ANK1: variants seen among roughly 807,000 people sequenced by gnomAD.
The protein encoded by ANK1 is ankyrin-1.
A neutral mutation model predicts 210.4 loss-of-function variants in ANK1; 51 were observed. The observed-to-expected ratio is 0.24, with a 90% confidence interval of 0.19 to 0.31. The LOEUF is 0.31. Ranked by LOEUF, ANK1 falls within the 10% of genes least tolerant of loss-of-function variation. ANK1 has a pLI of 1.00. For synonymous variants in ANK1, 967 were observed against 1,025.9 expected, an observed-to-expected ratio of 0.94 and a Z score of 1.10; for missense variants, 2,051 against 2,504.4, an observed-to-expected ratio of 0.82 and a Z score of 3.86.
At chr8:41,657,214 T>C (rs1806055049) in intron 42 of ANK1, among the ~76,000 whole-genome samples, 1 of 152,144 alleles carries the variant, frequency 6.6e-6, no homozygotes, top group South Asian at 2.1e-4. Flanking sequence ...AAAGCTGCCT[T>C]TTCTGTTCAG....
intron 2 of ANK1, among the ~76,000 whole-genome samples, chr8:41,748,395 C>G (rs1187361560): frequency 6.6e-6 from 1 of 152,268 alleles, no homozygotes; most frequent in East Asian, 1.9e-4. Flanking sequence ...AAGACAATGA[C>G]AGAGAAAAGT....
chr8:41,692,081 G>C (rs1219285846), intron 31 of ANK1, among the ~76,000 whole-genome samples: 2 of 149,112 alleles, frequency 1.3e-5, no homozygotes, highest in East Asian at 3.9e-4. Flanking sequence ...TTTTTAAACA[G>C]AGTCTTGCTC....
chr8:41,714,972 T>C lies in ANK1; in HGVS notation c.1701+4A>G. On this transcript the variant is annotated splice_donor_region_variant and intron_variant, in intron 15 of 42. Transcript: ENST00000289734. ...CTGCAGGGGAGGGCAGGGTTCAAAC[T>C]CACTTTTCCGGCAGCATTCGGGTGT... 6.2e-7 allele frequency: 1 copy of C among 1,614,086 alleles called. No homozygotes were observed. Among genetic ancestry groups the C allele is most frequent in the Non-Finnish European group, 8.5e-7 (1 of 1,179,982 alleles).
In ANK1 at chr8:41,716,975, G is replaced by C; in HGVS notation, c.1382C>G (p.Ala461Gly). ...EVAKYLLQNKAKVNAKAKDDQ... is the reference protein window; with the variant it reads ...EVAKYLLQNKGKVNAKAKDDQ... ...CACCTTGGCCTTGGCATTGACTTTGGCTTTGTTCTGGAGTAAATATTTGGC... is the reference window on the plus strand; with the variant it reads ...CACCTTGGCCTTGGCATTGACTTTGCCTTTGTTCTGGAGTAAATATTTGGC... Residue 461 changes from alanine (A) to glycine (G), a missense_variant, in exon 13 of 43, where the codon GCC (alanine) becomes GGC (glycine). Transcript: ENST00000289734. The C allele has an allele frequency of 6.2e-7, 1 of 1,614,192 alleles. No individual in the cohort carries two copies. Among genetic ancestry groups the C allele is most frequent in the Non-Finnish European group, 8.5e-7 (1 of 1,180,042 alleles).
At chr8:41,876,321 G>C (rs1816600218) in intron 1 of ANK1, among the ~76,000 whole-genome samples, 1 of 152,184 alleles carries the variant, frequency 6.6e-6, no homozygotes, top group South Asian at 2.1e-4. Context: ...CTCGGCCAGC[G>C]GGCCTTGTCC....
At chr8:41,857,381 C>G (rs1434810776) in intron 1 of ANK1, among the ~76,000 whole-genome samples, 1 of 150,398 alleles carries the variant, frequency 6.6e-6, no homozygotes, top group African/African-American at 2.4e-5. Flanking sequence ...GTGGATCAAC[C>G]GAGGTCAGGA....
At chr8:41,691,113 C>A (rs1288311408) in intron 31 of ANK1, among the ~76,000 whole-genome samples, 1 of 152,120 alleles carries the variant, frequency 6.6e-6, no homozygotes, top group Admixed American at 6.5e-5. Context: ...GTAGTCCCAG[C>A]TACTTGGGAT....
chr8:41,666,138 T>C (rs1319488409), intron 39 of ANK1, among the ~76,000 whole-genome samples: 1 of 152,236 alleles, frequency 6.6e-6, no homozygotes, highest in Non-Finnish European at 1.5e-5. Flanking sequence ...AGTTTCCTCA[T>C]CTGTGAAGCA....
In ANK1 at chr8:41,790,144, CT is replaced by C. The variant is rs112954712; in HGVS notation, c.27+7367del. Among the ~76,000 whole-genome samples, 956 of 136,790 alleles carry C rather than the reference CT, an allele frequency of 7.0e-3. 1 individual carries two copies. The highest frequency in any genetic ancestry group is 0.02 in the Middle Eastern group (5 of 256). 89.7% of individuals were successfully genotyped at this position (136,790 alleles called of 152,430 possible). On this transcript the variant is annotated intron_variant, in intron 1 of 42. Transcript: ENST00000289734. ...GGTATCTGACCACTTGGAAAGGAATCTTTTTTTTTTTTTTTTTCAGAGACAG... is the reference window on the plus strand; with the variant it reads ...GGTATCTGACCACTTGGAAAGGAATCTTTTTTTTTTTTTTTTCAGAGACAG...
intron 1 of ANK1, among the ~76,000 whole-genome samples, chr8:41,783,219 C>T (rs561392870): frequency 4.6e-5 from 7 of 152,324 alleles, no homozygotes; most frequent in East Asian, 1.9e-4. Flanking sequence ...GAGATCGTTT[C>T]GAAAGTCTCC....
intron 9 of ANK1, 109 bp from the exon 10 acceptor site, chr8:41,719,967 C>T: frequency 3.0e-6 from 4 of 1,318,770 alleles, no homozygotes; most frequent in Middle Eastern, 4.5e-4. Flanking sequence ...ACAATGTTTC[C>T]ACAAGTCTCT....
chr8:41,693,113 G>A lies in ANK1; in HGVS notation c.3621C>T (p.Val1207=), dbSNP rs749129511. ...GGCTGGCCTCGTCTCACCTGGCAGA[G>A]ACATTGGTGGTGAAGTTGGCGCACT... is the stretch of plus-strand genomic sequence containing the variant. ...ANECANFTTN[V]SARFWLSDCP... Residue 1207 remains valine (V), a synonymous_variant, in exon 30 of 43, where the codon GTC becomes GTT. Coordinates refer to ENST00000289734, the MANE Select transcript of ANK1 (RefSeq NM_000037.4). The A allele has an allele frequency of 3.0e-5, 49 of 1,610,238 alleles. No individual in the cohort carries two copies. Among genetic ancestry groups the A allele is most frequent in the Non-Finnish European group, 3.7e-5 (44 of 1,176,560 alleles).
At position 41,704,508 on chromosome 8, in the gene ANK1, C is replaced by T; in HGVS notation, c.2098-36G>A. On this transcript the variant is annotated intron_variant, in intron 18 of 42. Coordinates refer to ENST00000289734, the MANE Select transcript of ANK1 (RefSeq NM_000037.4). The surrounding 1 kb of genome is among the most constrained non-coding windows in gnomAD (Gnocchi z 4.1). ...GATGAGAAGGAGTGACCGGAGCTGTCCTGAGCTGGGCATCACATGAAATCC... is the reference window on the plus strand; with the variant it reads ...GATGAGAAGGAGTGACCGGAGCTGTTCTGAGCTGGGCATCACATGAAATCC... 6.4e-7 allele frequency: 1 copy of T among 1,563,616 alleles called. No individual in the cohort carries two copies. Among genetic ancestry groups the T allele is most frequent in the Non-Finnish European group, 8.8e-7 (1 of 1,134,136 alleles).
intron 1 of ANK1, among the ~76,000 whole-genome samples, chr8:41,835,598 G>C (rs569430226): frequency 6.6e-6 from 1 of 152,188 alleles, no homozygotes; most frequent in Non-Finnish European, 1.5e-5. Context: ...GGGGAGGAGC[G>C]GGGAGCAGGG....
chr8:41,665,139 C>G (rs540391507), intron 39 of ANK1: 1 of 1,541,078 alleles, frequency 6.5e-7, no homozygotes, highest in African/African-American at 1.4e-5. Context: ...TTGCATTCCC[C>G]CTCCCTATCT....
intron 1 of ANK1, among the ~76,000 whole-genome samples, chr8:41,787,778 C>G (rs1299118694): frequency 2.6e-5 from 4 of 151,792 alleles, no homozygotes; most frequent in Admixed American, 6.6e-5. Flanking sequence ...CCACAGCACT[C>G]CAGCCTGGGT....
intron 20 of ANK1, among the ~76,000 whole-genome samples, chr8:41,703,446 A>ATATATATATG (rs1823538081): frequency 4.9e-5 from 3 of 61,580 alleles, no homozygotes; most frequent in Non-Finnish European, 9.1e-5. Flanking sequence ...ATATATATAT[A>ATATATATATG]TATATTTTTT....
intron 1 of ANK1, among the ~76,000 whole-genome samples, chr8:41,838,076 C>G (rs111722710): frequency 0.02 from 3,051 of 152,298 alleles, 45 homozygotes; most frequent in Non-Finnish European, 0.021. Context: ...CCTACAAAGA[C>G]AGTGCTCACA....
In ANK1 at chr8:41,690,610, G is replaced by C; in HGVS notation, c.3859-11C>G. Reference sequence around the variant, plus strand: ...CATTCCTTCCAACACCTGCAGGAGAGGAAAAGCAGATACAGCTTGTCAGGG... The same window carrying C: ...CATTCCTTCCAACACCTGCAGGAGACGAAAAGCAGATACAGCTTGTCAGGG... On this transcript the variant is annotated splice_polypyrimidine_tract_variant and intron_variant, in intron 31 of 42. Transcript: ENST00000289734. 6.2e-7 allele frequency: 1 copy of C among 1,611,020 alleles called. No homozygotes were observed. The highest frequency in any genetic ancestry group is 8.5e-7 in the Non-Finnish European group (1 of 1,179,928).
Sources: allele counts gnomAD v4.1 joint callset (sites outside exome capture counted in the v4.1 genomes callset), GRCh38; gene constraint gnomAD v4.1.1; non-coding constraint Gnocchi (gnomAD v3.1); transcripts MANE v1.5; gene names NCBI Gene and HGNC (gene_info 2026-07-23, HGNC 2026-07-21).